ARHGEF28: variants seen among roughly 807,000 people sequenced by gnomAD.
ARHGEF28 encodes 190 kDa guanine nucleotide exchange factor.
ARHGEF28 carries 152 observed loss-of-function variants against 206.6 expected under a neutral mutation model. The ratio of observed to expected loss-of-function variants is 0.74; its 90% CI spans 0.64 to 0.84. The LOEUF is 0.84. ARHGEF28 is among the 40% of genes least tolerant of loss of function. ARHGEF28 has a pLI of 0.00. For synonymous variants in ARHGEF28, 763 were observed against 776.4 expected (o/e 0.98, Z 0.29); for missense variants, 2,028 against 2,073.2 (o/e 0.98, Z 0.42).
At chr5:73,639,910 G>A in intron 1 of ARHGEF28, among the ~76,000 whole-genome samples, 1 of 152,160 alleles carries the variant, frequency 6.6e-6, no homozygotes, top group East Asian at 1.9e-4. Flanking sequence ...TGAATACTGT[G>A]TATTGGCAAA....
At chr5:73,914,066 G>GT (rs1561190876) in intron 35 of ARHGEF28, among the ~76,000 whole-genome samples, 1 of 152,100 alleles carries the variant, frequency 6.6e-6, no homozygotes, top group East Asian at 1.9e-4. Context: ...ATTTCTGTTG[G>GT]TTTTTTCAGT....
chr5:73,864,276 G>C (rs896751553), intron 16 of ARHGEF28, among the ~76,000 whole-genome samples: 6 of 152,160 alleles, frequency 3.9e-5, no homozygotes, highest in African/African-American at 1.4e-4. Flanking sequence ...CATTGTTTAT[G>C]ATATAAAACA....
intron 1 of ARHGEF28, among the ~76,000 whole-genome samples, chr5:73,634,861 C>T (rs1438848952): frequency 6.6e-6 from 1 of 152,200 alleles, no homozygotes; most frequent in Non-Finnish European, 1.5e-5. Context: ...GCTCTATCAC[C>T]AGCCCCAAGC....
chr5:73,802,341 A>AGGGC (rs1755190241), intron 9 of ARHGEF28, among the ~76,000 whole-genome samples: 2 of 152,162 alleles, frequency 1.3e-5, no homozygotes, highest in African/African-American at 2.4e-5. Context: ...TGATATTTAC[A>AGGGC]CTGATGTCTT....
chr5:73,703,190 T>C (rs1056976055), intron 2 of ARHGEF28, among the ~76,000 whole-genome samples: 1 of 152,108 alleles, frequency 6.6e-6, no homozygotes, highest in Admixed American at 6.6e-5. Flanking sequence ...CTGTGTTCCA[T>C]GGTTAAATTG....
At chr5:73,643,798 G>C (rs1425133562) in intron 1 of ARHGEF28, among the ~76,000 whole-genome samples, 2 of 146,940 alleles carry the variant, frequency 1.4e-5, no homozygotes, top group South Asian at 2.1e-4. Context: ...CTGGGAAAAA[G>C]GGTGAGGCCC....
chr5:73,928,839 A>G (rs1392673767), intron 35 of ARHGEF28, among the ~76,000 whole-genome samples: 1 of 152,244 alleles, frequency 6.6e-6, no homozygotes, highest in African/African-American at 2.4e-5. Flanking sequence ...CTTAAGAGGA[A>G]TTCAGAGTCA....
In ARHGEF28 at chr5:73,700,348, A is replaced by G. The variant is rs559183813; in HGVS notation, c.33+15464A>G. ...TGGGGGTGGGGAATACCTTCTATAT[A>G]CACACTTTTCTACTGTTTGAATTTT... On this transcript the variant is annotated intron_variant, in intron 2 of 35. Coordinates refer to ENST00000513042, the MANE Select transcript of ARHGEF28 (RefSeq NM_001177693.2). Among the ~76,000 whole-genome samples the G allele has an allele frequency of 7.5e-4, 114 of 152,306 alleles. 1 individual carries two copies. The highest frequency in any genetic ancestry group is 2.7e-3 in the African/African-American group (111 of 41,558).
chr5:73,863,830 C>A (rs965060354), intron 16 of ARHGEF28, among the ~76,000 whole-genome samples: 1 of 151,944 alleles, frequency 6.6e-6, no homozygotes, highest in Non-Finnish European at 1.5e-5. Flanking sequence ...GCTTATCAGC[C>A]GGGCCAATGC....
rs539405627 is a variant in ARHGEF28, at chr5:73,658,475, G to A, written c.-11-26366G>A. Among the ~76,000 whole-genome samples, 6 of 152,264 alleles carry A rather than the reference G, an allele frequency of 3.9e-5. No homozygotes were observed. In the East Asian group the frequency reaches 7.7e-4, roughly 20 times the overall value. On this transcript the variant is annotated intron_variant, in intron 1 of 35. Coordinates refer to ENST00000513042, the MANE Select transcript of ARHGEF28 (RefSeq NM_001177693.2). ...CAGCTATTAGGAATGAATGGGATTC[G>A]GCCACAAGAGGAAGGAGAAGAGATG...
intron 9 of ARHGEF28, 79 bp downstream of exon 9, chr5:73,795,470 T>G: frequency 2.4e-6 from 3 of 1,264,642 alleles, no homozygotes; most frequent in Non-Finnish European, 3.4e-6. Context: ...CAAGTAAATT[T>G]TAACATAAAA....
chr5:73,656,657 A>G (rs1374107301), intron 1 of ARHGEF28, among the ~76,000 whole-genome samples: 1 of 152,158 alleles, frequency 6.6e-6, no homozygotes, highest in Non-Finnish European at 1.5e-5. Context: ...GCCTGTGACT[A>G]TTGTCAGAAT....
Position 73,783,380 on chromosome 5 carries a change from GTGTGTA to G in ARHGEF28, c.910+2641_910+2646del, listed in dbSNP as rs1554063119. Reference sequence around the variant, plus strand: ...TGTGTGTGTGTGTGTGTGTGTGTGTGTGTGTATGTGTGTGTGTGCGCGCTTCTGTAT... The same window carrying G: ...TGTGTGTGTGTGTGTGTGTGTGTGTGTGTGTGTGTGTGCGCGCTTCTGTAT... On this transcript the variant is annotated intron_variant, in intron 7 of 35. Transcript: ENST00000513042. Among the ~76,000 whole-genome samples, 1,176 of 142,826 alleles carry G rather than the reference GTGTGTA, an allele frequency of 8.2e-3. 10 individuals are homozygous for G. The highest frequency in any genetic ancestry group is 0.018 in the East Asian group (88 of 5,002). The allele number at this position is 142,826 out of a possible 152,430, so 93.7% of individuals were successfully genotyped here. A position where few individuals can be genotyped will look rare whatever the true frequency, so the allele number is the denominator to read the frequency against.
At position 73,809,327 on chromosome 5, in the gene ARHGEF28, T is replaced by C. The variant is rs142774771; in HGVS notation, c.1024+13936T>C. Among the ~76,000 whole-genome samples, 9 of 152,362 alleles carry C rather than the reference T, an allele frequency of 5.9e-5. 1 individual carries two copies. The East Asian group carries it at 1.7e-3, about 29-fold the overall frequency. On this transcript the variant is annotated intron_variant, in intron 9 of 35. Coordinates refer to ENST00000513042, the MANE Select transcript of ARHGEF28 (RefSeq NM_001177693.2). ...TTGAAAATTTACTTCTGTTAAGTTC[T>C]TCACTGTTATAATCTCACTGGATCC... is the stretch of plus-strand genomic sequence containing the variant.
chr5:73,901,041 C>A, intron 30 of ARHGEF28, 143 bp from the exon 31 acceptor site: 1 of 638,948 alleles, frequency 1.6e-6, no homozygotes, highest in South Asian at 1.8e-5. Flanking sequence ...CATCCAAGCA[C>A]CTCATCTAAG....
chr5:73,846,532 A>G (rs1462436120), intron 12 of ARHGEF28, 57 bp downstream of exon 12: 1 of 1,518,540 alleles, frequency 6.6e-7, no homozygotes, highest in East Asian at 2.3e-5. Context: ...TGTTGTCTGC[A>G]TTTACCCATC....
rs1481129430 is a variant in ARHGEF28 at position 73,893,204 on chromosome 5, G to A, written c.3574G>A (p.Glu1192Lys). The A allele has an allele frequency of 6.5e-7, 1 of 1,548,982 alleles. No homozygotes were observed. Among genetic ancestry groups the A allele is most frequent in the Admixed American group, 2.0e-5 (1 of 50,122 alleles). The stretch of plus-strand genomic sequence containing the variant: ...GACTATTGTCTTTTAAAGTTGTCCT[G>A]AAGAAAAAGGGGGAAGGACAAGTGA... ...RIQQAVESCP[E>K]EKGGRTSESD... The change falls in exon 28 of 36, where the codon GAA becomes AAA. Residue 1192 changes from glutamate (E) to lysine (K), a missense_variant. Glu to Lys is a moderately conservative substitution (Grantham distance 56). This residue lies in a region of ARHGEF28 where 803 missense variants were observed against 768.0 expected (regional missense o/e 1.05). Coordinates refer to ENST00000513042, the MANE Select transcript of ARHGEF28 (RefSeq NM_001177693.2).
rs1297822597 is a variant in ARHGEF28, at chr5:73,873,124, GATGAGTTGCTTGAAATCCACAGGC to G, written c.2695_2718del (p.Glu899_His906del). The G allele has an allele frequency of 6.2e-7, 1 of 1,613,006 alleles. No individual in the cohort carries two copies. The highest frequency in any genetic ancestry group is 8.5e-7 in the Non-Finnish European group (1 of 1,179,488). On this transcript the variant is annotated inframe_deletion, in exon 22 of 36. Transcript: ENST00000513042. The stretch of plus-strand genomic sequence containing the variant: ...CGTGGATAAAATTTTCCCCTGTTTA[GATGAGTTGCTTGAAATCCACAGGC>G]ATTTCTTCTACAGTATGAAGGAACG...
chr5:73,749,134 A>C (rs967470088), intron 2 of ARHGEF28, among the ~76,000 whole-genome samples: 1 of 152,198 alleles, frequency 6.6e-6, no homozygotes, highest in East Asian at 1.9e-4. Context: ...AGGAAAGAGC[A>C]CTTGGAAACC....
Sources: allele counts gnomAD v4.1 joint callset (sites outside exome capture counted in the v4.1 genomes callset), GRCh38; gene constraint gnomAD v4.1.1; regional missense constraint gnomAD v4.1.1; transcripts MANE v1.5; gene names NCBI Gene and HGNC (gene_info 2026-07-23, HGNC 2026-07-21).